The following SNX29 variants were observed in gnomAD, a reference collection of about 807,000 sequenced individuals.
SNX29 encodes the protein sorting nexin 29.
Under a neutral mutation model 102.1 loss-of-function variants are expected in SNX29, and 78 were observed. The observed-to-expected ratio is 0.76, with a 90% CI of 0.64 to 0.92. The LOEUF (loss-of-function observed/expected upper bound fraction) is 0.92. Among genes scored for constraint, SNX29 ranks in the 40% least tolerant of loss-of-function variants. The pLI is 0.00. For synonymous variants in SNX29, 580 were observed against 414.5 expected (o/e 1.40, Z -4.85); for missense variants, 1,280 against 1,061.7 (o/e 1.21, Z -2.86).
intron 14 of SNX29, among the ~76,000 whole-genome samples, chr16:12,263,123 G>C (rs1404296051): frequency 1.3e-5 from 2 of 149,414 alleles, no homozygotes; most frequent in African/African-American, 2.5e-5. Flanking sequence ...TTCTTGGACT[G>C]TTGTCCACCT....
intron 14 of SNX29, among the ~76,000 whole-genome samples, chr16:12,272,940 G>C (rs1319740108): frequency 1.3e-5 from 2 of 152,180 alleles, no homozygotes; most frequent in Non-Finnish European, 2.9e-5. Context: ...GCAACACGCA[G>C]CTCCCCATCC....
chr16:12,524,994 G>A (rs2076739784), intron 20 of SNX29, among the ~76,000 whole-genome samples, 153 bp downstream of exon 20: 1 of 152,186 alleles, frequency 6.6e-6, no homozygotes, highest in East Asian at 1.9e-4. Context: ...GTGCCAAAGT[G>A]GAGGTTGGGT....
Position 12,050,720 on chromosome 16 carries a change from T to G in SNX29, c.749-1127T>G, listed in dbSNP as rs1425859714. On this transcript the variant is annotated intron_variant, in intron 7 of 20. Coordinates refer to ENST00000566228, the MANE Select transcript of SNX29 (RefSeq NM_032167.5). The stretch of plus-strand genomic sequence containing the variant: ...TCACACAGTGTTATTTCTGCCACTT[T>G]TTTTTTTTGGAGAAAGAGTCTCGCT... 3.3e-5 allele frequency among the ~76,000 whole-genome samples: 5 copies of G among 152,046 alleles called. 1 individual carries two copies. The South Asian group carries it at 1.0e-3, about 32-fold the overall frequency.
At chr16:12,137,737 A>G (rs1323379201) in intron 13 of SNX29, among the ~76,000 whole-genome samples, 1 of 152,202 alleles carries the variant, frequency 6.6e-6, no homozygotes, top group African/African-American at 2.4e-5. Context: ...TGTCCATTCA[A>G]AGGCACTGAT....
chr16:12,252,292 C>A (rs1295762661), intron 14 of SNX29, among the ~76,000 whole-genome samples: 1 of 151,648 alleles, frequency 6.6e-6, no homozygotes, highest in African/African-American at 2.4e-5. Context: ...CTTTTGAATC[C>A]CCTGGCTGGA....
chr16:12,552,098 A>G (rs2078014925), intron 20 of SNX29, among the ~76,000 whole-genome samples: 1 of 152,218 alleles, frequency 6.6e-6, no homozygotes, highest in South Asian at 2.1e-4. Flanking sequence ...TGCTATCCTC[A>G]GTGAGTGTAA....
At chr16:12,532,399 G>A (rs1030574841) in intron 20 of SNX29, among the ~76,000 whole-genome samples, 3 of 152,118 alleles carry the variant, frequency 2.0e-5, no homozygotes, top group African/African-American at 4.8e-5. Flanking sequence ...GTTTCCCAGC[G>A]TTTGTATATT....
chr16:12,315,623 G>A lies in SNX29; in HGVS notation c.1782+37587G>A, dbSNP rs186699421. 8.3e-4 allele frequency among the ~76,000 whole-genome samples: 126 copies of A among 152,292 alleles called. 6 individuals are homozygous for A. In the South Asian group the frequency reaches 0.022, roughly 27 times the overall value. On this transcript the variant is annotated intron_variant, in intron 15 of 20. Transcript: ENST00000566228. Reference sequence around the variant, plus strand: ...GACACCACAAAAAAGATGGTCATCTGCAAGCCGTGGAGTGGCCTCAGGAGA... The same window carrying A: ...GACACCACAAAAAAGATGGTCATCTACAAGCCGTGGAGTGGCCTCAGGAGA...
intron 11 of SNX29, among the ~76,000 whole-genome samples, chr16:12,110,915 C>T (rs11075051): frequency 0.21 from 31,462 of 151,836 alleles, 3,523 homozygotes; most frequent in Middle Eastern, 0.27. Flanking sequence ...CCTCAAACTC[C>T]TGGGCTCAAG....
intron 15 of SNX29, among the ~76,000 whole-genome samples, chr16:12,311,393 G>T (rs1404836844): frequency 6.6e-6 from 1 of 152,152 alleles, no homozygotes; most frequent in Non-Finnish European, 1.5e-5. Flanking sequence ...AGTTTCTCTG[G>T]GCAGCCCATA....
intron 19 of SNX29, among the ~76,000 whole-genome samples, chr16:12,511,050 G>A (rs925352336): frequency 9.9e-5 from 15 of 152,190 alleles, no homozygotes; most frequent in Admixed American, 5.9e-4. Flanking sequence ...TCTGCGTCCC[G>A]GGTTCAAGGC....
chr16:12,372,244 G>C (rs1834924184), intron 16 of SNX29, among the ~76,000 whole-genome samples: 1 of 152,174 alleles, frequency 6.6e-6, no homozygotes, highest in Non-Finnish European at 1.5e-5. Flanking sequence ...ATGAATATAT[G>C]TCGACTTCCT....
chr16:11,995,384 C>A (rs3862447), intron 1 of SNX29, among the ~76,000 whole-genome samples: 14,756 of 151,976 alleles, frequency 0.097, 1,305 homozygotes, highest in African/African-American at 0.24. Context: ...TTCTCTTAAG[C>A]TCATTCAGGG....
At chr16:12,010,296 G>C (rs1485636107) in intron 3 of SNX29, among the ~76,000 whole-genome samples, 2 of 152,286 alleles carry the variant, frequency 1.3e-5, no homozygotes, top group Non-Finnish European at 2.9e-5. Flanking sequence ...GTGGCAGTGA[G>C]TTGGCTTCAG....
At chr16:12,390,149 G>GGTGTGTGTGTGTGTGTGT (rs34547147) in intron 16 of SNX29, among the ~76,000 whole-genome samples, 4 of 145,586 alleles carry the variant, frequency 2.7e-5, no homozygotes, top group African/African-American at 1.0e-4. Context: ...GCAATTGAGG[G>GGTGTGTGTGTGTGTGTGT]GTGTGTGTGT....
intron 14 of SNX29, among the ~76,000 whole-genome samples, chr16:12,272,276 G>A (rs1202409584): frequency 2.6e-5 from 4 of 152,106 alleles, no homozygotes; most frequent in East Asian, 1.9e-4. Flanking sequence ...GGCCAGTGGC[G>A]TGATTGCTAA....
intron 18 of SNX29, among the ~76,000 whole-genome samples, chr16:12,470,240 A>T (rs964525716): frequency 2.0e-5 from 3 of 152,236 alleles, no homozygotes; most frequent in Admixed American, 6.5e-5. Flanking sequence ...GAAGTTTGAA[A>T]TGGAGAGGGA....
At chr16:12,466,957 A>G (rs1382308869) in intron 18 of SNX29, among the ~76,000 whole-genome samples, 1 of 152,220 alleles carries the variant, frequency 6.6e-6, no homozygotes, top group Non-Finnish European at 1.5e-5. Flanking sequence ...TTTAGAGCCA[A>G]AGGGTGGGCA....
chr16:12,386,239 G>C (rs67874954), intron 16 of SNX29, among the ~76,000 whole-genome samples: 4 of 152,108 alleles, frequency 2.6e-5, no homozygotes, highest in African/African-American at 9.7e-5. Context: ...CTGGGGCCTC[G>C]TGTGCTGGTG....
Sources: allele counts gnomAD v4.1 joint callset (sites outside exome capture counted in the v4.1 genomes callset), GRCh38; gene constraint gnomAD v4.1.1; transcripts MANE v1.5; gene names NCBI Gene and HGNC (gene_info 2026-07-23, HGNC 2026-07-21).